Variants in JCAD observed in about 807,000 individuals in gnomAD.
JCAD encodes the protein junctional cadherin 5 associated, also known as junctional cadherin 5-associated protein.
In JCAD, 40 loss-of-function variants were observed where a neutral mutation model predicts 98.0. The ratio of observed to expected loss-of-function variants is 0.41; its 90% confidence interval spans 0.32 to 0.53. The LOEUF (loss-of-function observed/expected upper bound fraction) is 0.53, where lower values mean the gene tolerates loss of function less well. Ranked by LOEUF, JCAD falls within the 20% of genes least tolerant of loss-of-function variation. JCAD has a pLI of 0.31. For missense variants in JCAD, 1,705 were observed against 1,738.1 expected, an observed-to-expected ratio of 0.98 and a Z score of 0.34; for synonymous variants, 691 against 682.3, an observed-to-expected ratio of 1.01 and a Z score of -0.20.
At chr10:30,050,996 C>G (rs1399302661) in intron 1 of JCAD, among the ~76,000 whole-genome samples, 1 of 152,214 alleles carries the variant, frequency 6.6e-6, no homozygotes, top group Non-Finnish European at 1.5e-5. Flanking sequence ...CAAGGTTACA[C>G]AGCTTGTGTT....
chr10:30,040,256 C>T (rs933872022), intron 2 of JCAD, among the ~76,000 whole-genome samples: 1 of 152,222 alleles, frequency 6.6e-6, no homozygotes, highest in African/African-American at 2.4e-5. Flanking sequence ...GAAGAAGCTA[C>T]ACCCATTTCC....
At chr10:30,114,826 A>AATAGATAGATAG (rs3074824) in intron 1 of JCAD, among the ~76,000 whole-genome samples, 4,314 of 150,772 alleles carry the variant, frequency 0.029, 67 homozygotes, top group Middle Eastern at 0.088. Context: ...TTTAAAGCCG[A>AATAGATAGATAG]ATAGATAGAT....
rs761347167 is a variant in JCAD, at chr10:30,028,633, G to A, written c.1515C>T (p.Pro505=). Residue 505 remains proline, a synonymous_variant, in exon 3 of 4, where the codon CCC becomes CCT. Transcript: ENST00000375377. ...SSPRWLWGQP[P]GDGENSGLPN... ...GGAGGCCACTGTTTTCCCCATCCCCGGGGGGCTGGCCCCACAGCCACCGGG... is the reference window on the plus strand; with the variant it reads ...GGAGGCCACTGTTTTCCCCATCCCCAGGGGGCTGGCCCCACAGCCACCGGG... 88 of 1,609,206 alleles carry A rather than the reference G, an allele frequency of 5.5e-5. No homozygotes were observed. Among genetic ancestry groups the A allele is most frequent in the South Asian group, 3.5e-4 (32 of 90,442 alleles).
Position 30,028,783 on chromosome 10 carries a change from G to T in JCAD, c.1365C>A (p.Ser455=). The T allele has an allele frequency of 6.2e-7, 1 of 1,614,216 alleles. No homozygotes were observed. The highest frequency in any genetic ancestry group is 1.1e-5 in the South Asian group (1 of 91,084). ...DIKLDDKSYN[S]SPVTAQEPAH... ...CCGGCTCTTGAGCAGTGACAGGACT[G>T]GAGTTATATGATTTATCGTCAAGCT... is the stretch of plus-strand genomic sequence containing the variant. The change falls in exon 3 of 4, where the codon TCC becomes TCA. Residue 455 remains serine (S), a synonymous_variant. Transcript: ENST00000375377.
chr10:30,029,207 T>G lies in JCAD; in HGVS notation c.941A>C (p.Gln314Pro), dbSNP rs1198957724. The change falls in exon 3 of 4, where the codon CAG becomes CCG. Residue 314 changes from glutamine to proline, a missense_variant. Gln to Pro is a moderately conservative substitution (Grantham distance 76, BLOSUM62 -1). Around this residue, in one of 3 missense-constraint regions of JCAD, gnomAD observed 275 missense variants for 346.9 expected, o/e 0.79. Coordinates refer to ENST00000375377, the MANE Select transcript of JCAD (RefSeq NM_020848.4). ...SRGGADSSDS[Q>P]DSQQMDAYVP... ...ATAGGCGTCCATCTGCTGGCTGTCC[T>G]GAGAGTCACTGCTGTCCGCTCCTCC... 6.2e-7 allele frequency: 1 copy of G among 1,614,144 alleles called. No individual in the cohort carries two copies. Among genetic ancestry groups the G allele is most frequent in the Admixed American group, 1.7e-5 (1 of 60,026 alleles).
intron 3 of JCAD, among the ~76,000 whole-genome samples, chr10:30,020,764 C>T (rs1228155736): frequency 6.6e-6 from 1 of 152,188 alleles, no homozygotes; most frequent in Non-Finnish European, 1.5e-5. Context: ...AGAGTGTTCA[C>T]ATTCTGAGAG....
chr10:30,088,940 T>C (rs1403138105), intron 1 of JCAD, among the ~76,000 whole-genome samples: 2 of 152,206 alleles, frequency 1.3e-5, no homozygotes, highest in Non-Finnish European at 2.9e-5. Flanking sequence ...ATAGCAGCAC[T>C]GCAGTCCAGC....
intron 1 of JCAD, among the ~76,000 whole-genome samples, chr10:30,098,629 CCA>C (rs1368945890): frequency 6.6e-6 from 1 of 152,144 alleles, no homozygotes; most frequent in Non-Finnish European, 1.5e-5. Context: ...TGAATGAACT[CCA>C]GTTTATTTCT....
chr10:30,050,795 C>T (rs1256095559), intron 1 of JCAD, among the ~76,000 whole-genome samples: 1 of 152,292 alleles, frequency 6.6e-6, no homozygotes, highest in African/African-American at 2.4e-5. Context: ...TCTACCAACT[C>T]CAAGGAAAAA....
intron 2 of JCAD, among the ~76,000 whole-genome samples, chr10:30,033,776 G>A (rs962634006): frequency 6.6e-6 from 1 of 152,218 alleles, no homozygotes; most frequent in African/African-American, 2.4e-5. Flanking sequence ...GCCTGGAAGA[G>A]TCCCTGCTGG....
Position 30,026,629 on chromosome 10 carries a change from A to G in JCAD, c.3519T>C (p.Phe1173=). 1.9e-6 allele frequency: 3 copies of G among 1,613,460 alleles called. No individual in the cohort carries two copies. The highest frequency in any genetic ancestry group is 2.5e-6 in the Non-Finnish European group (3 of 1,180,018). The change falls in exon 3 of 4, where the codon TTT becomes TTC. Residue 1173 remains phenylalanine (F), a synonymous_variant. Transcript: ENST00000375377. The part of the protein sequence containing the change: ...RDSARRAPQA[F]EHSDVDGVVT... ...CAACCCCGTCCACATCTGAGTGCTC[A>G]AAAGCCTGAGGAGCCCGCCTGGCAC...
At chr10:30,041,541 T>C (rs760483682) in intron 2 of JCAD, among the ~76,000 whole-genome samples, 75 of 152,230 alleles carry the variant, frequency 4.9e-4, no homozygotes, top group Admixed American at 9.2e-4. Flanking sequence ...CTATCTAGAA[T>C]GGATGTTTAC....
At position 30,026,133 on chromosome 10, in the gene JCAD, TCTC is replaced by T; in HGVS notation, c.4012_4014del (p.Glu1338del). 1 of 1,614,182 alleles carries T rather than the reference TCTC, an allele frequency of 6.2e-7. No homozygotes were observed. Among genetic ancestry groups the T allele is most frequent in the Non-Finnish European group, 8.5e-7 (1 of 1,180,028 alleles). The stretch of plus-strand genomic sequence containing the variant: ...CACCAGAAGTCTTGATCCATGCTCT[TCTC>T]CTTTTGTGCTGCCGGATGCTCCTTC... On this transcript the variant is annotated inframe_deletion, in exon 3 of 4. Transcript: ENST00000375377.
intron 1 of JCAD, among the ~76,000 whole-genome samples, chr10:30,088,431 CT>C (rs2132691901): frequency 6.6e-6 from 1 of 152,244 alleles, no homozygotes; most frequent in South Asian, 2.1e-4. Context: ...CCTCCTGATT[CT>C]TTTGTTTACT....
chr10:30,060,649 T>C (rs1837683043), upstream of JCAD, among the ~76,000 whole-genome samples: 1 of 152,142 alleles, frequency 6.6e-6, no homozygotes, highest in Admixed American at 6.5e-5. Context: ...ACATCATGAT[T>C]TTAGGACTGT....
At position 30,026,458 on chromosome 10, in the gene JCAD, T is replaced by A; in HGVS notation, c.3690A>T (p.Glu1230Asp). 1 of 1,614,236 alleles carries A rather than the reference T, an allele frequency of 6.2e-7. No individual in the cohort carries two copies. Among genetic ancestry groups the A allele is most frequent in the Non-Finnish European group, 8.5e-7 (1 of 1,180,038 alleles). The change falls in exon 3 of 4, where the codon GAA (glutamate) becomes GAT (aspartate). Residue 1230 changes from glutamate (E) to aspartate (D), a missense_variant. By Grantham distance (45) the Glu-to-Asp change is conservative (BLOSUM62 2). This residue lies in a region of JCAD where 1,278 missense variants were observed against 1,243.1 expected (regional missense o/e 1.03). Coordinates refer to ENST00000375377, the MANE Select transcript of JCAD (RefSeq NM_020848.4). The part of the protein sequence containing the change: ...VERTPSVAGS[E>D]KRLRSPSKVI... The stretch of plus-strand genomic sequence containing the variant: ...CTTTGGAAGGGCTTCTAAGTCTCTT[T>A]TCAGAGCCTGCCACACTTGGGGTTC...
At chr10:30,108,001 T>C (rs1014154020) in intron 1 of JCAD, among the ~76,000 whole-genome samples, 1 of 152,102 alleles carries the variant, frequency 6.6e-6, no homozygotes, top group East Asian at 1.9e-4. Flanking sequence ...TCCAGAAATA[T>C]GTCAGGAGCC....
intron 2 of JCAD, 90 bp from the exon 3 acceptor site, chr10:30,029,956 A>C (rs1836956865): frequency 1.4e-6 from 2 of 1,411,206 alleles, no homozygotes; most frequent in South Asian, 2.9e-5. Context: ...AACTCAGGTC[A>C]GCAACTTTGA....
chr10:30,039,123 T>C (rs746222739), intron 2 of JCAD, among the ~76,000 whole-genome samples: 1 of 152,182 alleles, frequency 6.6e-6, no homozygotes, highest in Admixed American at 6.5e-5. Context: ...TGGGTGGCCC[T>C]TACTTGGAGG....
Sources: gnomAD v4.1 joint callset for allele counts (sites outside exome capture counted in the v4.1 genomes callset) on GRCh38, gnomAD v4.1.1 for gene constraint, gnomAD v4.1.1 regional missense constraint, MANE v1.5 for transcripts, NCBI Gene and HGNC (gene_info 2026-07-23, HGNC 2026-07-21) for gene names.